CASP8: variants seen among roughly 807,000 people sequenced by gnomAD.
CASP8 encodes the protein caspase 8.
A neutral mutation model predicts 46.3 loss-of-function variants in CASP8; 24 were observed. That is an observed-to-expected ratio of 0.52 (90% CI 0.38 to 0.73). The LOEUF (loss-of-function observed/expected upper bound fraction) is 0.73, where lower values mean the gene tolerates loss of function less well. Ranked by LOEUF, CASP8 falls within the 30% of genes least tolerant of loss-of-function variation. The pLI, the probability that CASP8 is intolerant of heterozygous loss-of-function variation, is 0.00. For missense variants in CASP8, 460 were observed against 559.0 expected, an observed-to-expected ratio of 0.82 and a Z score of 1.79; for synonymous variants, 188 against 200.4, an observed-to-expected ratio of 0.94 and a Z score of 0.52.
chr2:201,247,297 C>G (rs1055529658), intron 2 of CASP8, among the ~76,000 whole-genome samples: 1 of 150,528 alleles, frequency 6.6e-6, no homozygotes, highest in Admixed American at 6.6e-5. Context: ...ACTGGGACAT[C>G]AGGGTGAGAC....
At chr2:201,267,623 A>G (rs991673679) in intron 2 of CASP8, among the ~76,000 whole-genome samples, 12 of 152,212 alleles carry the variant, frequency 7.9e-5, no homozygotes, top group African/African-American at 2.9e-4. Context: ...TTACAACTTC[A>G]TGATGCTGTG....
chr2:201,286,646 C>T lies in CASP8; in HGVS notation c.*52C>T, dbSNP rs34857899. 1.8e-4 allele frequency: 275 copies of T among 1,506,006 alleles called. No homozygotes were observed. The East Asian group carries it at 4.9e-3, about 27-fold the overall frequency. 93.3% of individuals were successfully genotyped at this position (1,506,006 alleles called of 1,614,324 possible). A position where few individuals can be genotyped will look rare whatever the true frequency, so the allele number is the denominator to read the frequency against. The stretch of plus-strand genomic sequence containing the variant: ...GTTTTGTTTTTTTGAGACAGAATCT[C>T]GCTCTGTCGCCCAGGCTGGAGTGCA... On this transcript the variant is annotated 3_prime_UTR_variant, in exon 9 of 9. Transcript: ENST00000673742.
At chr2:201,262,342 C>T in intron 1 of CASP8, 1 of 151,632 alleles carries the variant, frequency 6.6e-6, no homozygotes, top group East Asian at 1.9e-4. Context: ...AGATTACAAA[C>T]ATTTATATAT....
At chr2:201,236,193 C>T (rs976796066) in intron 2 of CASP8, among the ~76,000 whole-genome samples, 7 of 152,180 alleles carry the variant, frequency 4.6e-5, no homozygotes, top group African/African-American at 1.7e-4. Context: ...TGCCCCTCCC[C>T]ACCCCTGCTC....
intron 2 of CASP8, among the ~76,000 whole-genome samples, chr2:201,246,091 C>T (rs1946507215): frequency 6.6e-6 from 1 of 152,004 alleles, no homozygotes; most frequent in African/African-American, 2.4e-5. Flanking sequence ...CTCGAACTCC[C>T]AACCTCAGGT....
chr2:201,247,190 CAAAAAAAA>C (rs71022356), intron 2 of CASP8, among the ~76,000 whole-genome samples: 26 of 81,424 alleles, frequency 3.2e-4, no homozygotes, highest in South Asian at 7.6e-4. Flanking sequence ...CTGTCTGTCT[CAAAAAAAA>C]AAAAAAAAAA....
At chr2:201,280,991 C>G (rs2125378497) in intron 7 of CASP8, among the ~76,000 whole-genome samples, 1 of 152,224 alleles carries the variant, frequency 6.6e-6, no homozygotes, top group South Asian at 2.1e-4. Context: ...AATGAAAGAA[C>G]ATTATGTTTA....
At chr2:201,274,210 T>A (rs1242506027) in intron 5 of CASP8, among the ~76,000 whole-genome samples, 1 of 152,196 alleles carries the variant, frequency 6.6e-6, no homozygotes, top group East Asian at 1.9e-4. Context: ...GCCTAAGGCC[T>A]TAAGAATACT....
intron 2 of CASP8, among the ~76,000 whole-genome samples, chr2:201,237,435 G>C (rs1284946090): frequency 2.7e-5 from 2 of 73,570 alleles, no homozygotes; most frequent in Admixed American, 2.0e-4. Context: ...TAGATCTTCA[G>C]AGTAAAAAAA....
intron 1 of CASP8, among the ~76,000 whole-genome samples, chr2:201,261,736 G>C (rs1306806805): frequency 6.6e-6 from 1 of 152,228 alleles, no homozygotes; most frequent in African/African-American, 2.4e-5. Flanking sequence ...GTTTGGGCCT[G>C]AGAGCGAGTG....
chr2:201,280,627 G>A lies in CASP8; in HGVS notation c.802+3659G>A, dbSNP rs76155436. ...GGGGCTCAAAAAATGTACTTCTCAT[G>A]GTTATGCTCCAGCAAAGGAAACTGA... On this transcript the variant is annotated intron_variant, in intron 7 of 8. Transcript: ENST00000673742. Among the ~76,000 whole-genome samples, 52 of 152,296 alleles carry A rather than the reference G, an allele frequency of 3.4e-4. No individual in the cohort carries two copies. In the East Asian group the frequency reaches 7.5e-3, roughly 22 times the overall value.
intron 2 of CASP8, chr2:201,240,825 G>A (rs570225160): frequency 1.3e-5 from 2 of 152,258 alleles, no homozygotes; most frequent in South Asian, 4.1e-4. Context: ...ATCATACCAT[G>A]TATCTTTTCT....
chr2:201,251,103 G>T (rs1946758470), intron 2 of CASP8, among the ~76,000 whole-genome samples: 1 of 152,032 alleles, frequency 6.6e-6, no homozygotes, highest in Non-Finnish European at 1.5e-5. Flanking sequence ...TCTTTTTATT[G>T]CTGAATAATA....
rs375465590 is a variant in CASP8 at position 201,285,329 on chromosome 2, C to T, written c.1304+12C>T. ...GAGCGATGTCCTCGGTAAGTTTTGC[C>T]TACTCAGCCCTCCTCACTGTTACAC... On this transcript the variant is annotated intron_variant, in intron 8 of 8. Transcript: ENST00000673742. The T allele has an allele frequency of 9.9e-4, 1,589 of 1,612,470 alleles. No homozygotes were observed. The highest frequency in any genetic ancestry group is 1.2e-3 in the Admixed American group (71 of 60,014).
upstream of CASP8, chr2:201,258,377 G>A: frequency 6.2e-7 from 1 of 1,613,970 alleles, no homozygotes. Flanking sequence ...GGAAAGGGTG[G>A]AGCGGGTGAG....
rs35474602 is a variant in CASP8, at chr2:201,286,760, G to C, written c.*166G>C. ...CCTCCCGAGTAGCTGGGACTACAGG[G>C]GCCCGCCACCACACCTGGCTAATTT... On this transcript the variant is annotated 3_prime_UTR_variant, in exon 9 of 9. Transcript: ENST00000673742. The C allele has an allele frequency of 1.2e-3, 666 of 574,256 alleles. 3 individuals carry two copies. In the African/African-American group the frequency reaches 0.012, roughly 10 times the overall value. The allele number at this position is 574,256 out of a possible 1,614,324, so 35.6% of individuals were successfully genotyped here.
chr2:201,252,596 CTG>C (rs1946835044), intron 2 of CASP8, among the ~76,000 whole-genome samples: 1 of 152,172 alleles, frequency 6.6e-6, no homozygotes, highest in South Asian at 2.1e-4. Flanking sequence ...TTCTCCCAAT[CTG>C]TGGTTTGTCT....
chr2:201,285,055 C>T lies in CASP8; in HGVS notation c.1042C>T (p.Leu348Phe), dbSNP rs1242650624. The T allele has an allele frequency of 1.2e-6, 2 of 1,614,194 alleles. No individual in the cohort carries two copies. The highest frequency in any genetic ancestry group is 1.7e-5 in the Admixed American group (1 of 60,014). Reference sequence around the variant, plus strand: ...GTTCACTGGTTTGAAGTGCCCTTCCCTTGCTGGAAAACCCAAAGTGTTTTT... The same window carrying T: ...GTTCACTGGTTTGAAGTGCCCTTCCTTTGCTGGAAAACCCAAAGTGTTTTT... ...SQFTGLKCPS[L>F]AGKPKVFFIQ... The change falls in exon 8 of 9, where the codon CTT becomes TTT. Residue 348 changes from leucine (L) to phenylalanine (F), a missense_variant. Coordinates refer to ENST00000673742, the MANE Select transcript of CASP8 (RefSeq NM_001372051.1).
In CASP8 at chr2:201,286,621, G is replaced by A. The variant is rs1189553854; in HGVS notation, c.*27G>A. Reference sequence around the variant, plus strand: ...GGTGCTATTTTGTTTGTTTTGTTTTGTTTTGTTTTTTTGAGACAGAATCTC... The same window carrying A: ...GGTGCTATTTTGTTTGTTTTGTTTTATTTTGTTTTTTTGAGACAGAATCTC... On this transcript the variant is annotated 3_prime_UTR_variant, in exon 9 of 9. Coordinates refer to ENST00000673742, the MANE Select transcript of CASP8 (RefSeq NM_001372051.1). 6.2e-7 allele frequency: 1 copy of A among 1,606,430 alleles called. No homozygotes were observed. The highest frequency in any genetic ancestry group is 1.3e-5 in the African/African-American group (1 of 74,578).
Sources: gnomAD v4.1 joint callset for allele counts (sites outside exome capture counted in the v4.1 genomes callset) on GRCh38, gnomAD v4.1.1 for gene constraint, MANE v1.5 for transcripts, NCBI Gene and HGNC (gene_info 2026-07-23, HGNC 2026-07-21) for gene names.